The following SLC35F4 variants were observed in gnomAD, a reference collection of about 807,000 sequenced individuals.
SLC35F4 encodes solute carrier family 35 member F4.
SLC35F4 carries 24 observed loss-of-function variants against 44.2 expected under a neutral mutation model. That is an observed-to-expected ratio of 0.54 (90% CI 0.39 to 0.76). SLC35F4 has a LOEUF of 0.76. Ranked by LOEUF, SLC35F4 falls within the 30% of genes least tolerant of loss-of-function variation. The probability of loss-of-function intolerance (pLI) is 0.00; values close to 1 mark genes in which losing one functional copy is unlikely to be tolerated. For missense variants in SLC35F4, 562 were observed against 586.1 expected (o/e 0.96, Z 0.42); for synonymous variants, 238 against 223.6 (o/e 1.06, Z -0.57).
chr14:57,574,365 A>T (rs752672538), intron 4 of SLC35F4, among the ~76,000 whole-genome samples: 1 of 152,208 alleles, frequency 6.6e-6, no homozygotes, highest in African/African-American at 2.4e-5. Context: ...TTAAATTGAC[A>T]TGTCAATTAC....
chr14:57,565,320 T>G (rs2139654309), intron 7 of SLC35F4, among the ~76,000 whole-genome samples: 1 of 152,338 alleles, frequency 6.6e-6, no homozygotes, highest in Non-Finnish European at 1.5e-5. Flanking sequence ...CATATCTCAC[T>G]TCATCCAGCT....
intron 1 of SLC35F4, among the ~76,000 whole-genome samples, chr14:57,600,565 G>T (rs568456448): frequency 6.8e-6 from 1 of 146,072 alleles, no homozygotes; most frequent in South Asian, 2.2e-4. Context: ...AGTGGCGGGC[G>T]CCTGTAGTCC....
chr14:57,677,998 A>T (rs2074757571), intron 1 of SLC35F4, among the ~76,000 whole-genome samples: 1 of 152,088 alleles, frequency 6.6e-6, no homozygotes, highest in Admixed American at 6.6e-5. Context: ...CAGGATCCAT[A>T]TTCAAATTCA....
At chr14:57,968,722 C>A (rs749431631) in intron 1 of SLC35F4, among the ~76,000 whole-genome samples, 3 of 152,068 alleles carry the variant, frequency 2.0e-5, no homozygotes, top group Non-Finnish European at 2.9e-5. Context: ...GGGGGGTGTT[C>A]AATGTACCCT....
In SLC35F4 at chr14:57,877,674, C is replaced by CTTTTTT. The variant is rs139397949; in HGVS notation, n.282+104233_282+104238dup. 3.5e-3 allele frequency among the ~76,000 whole-genome samples: 182 copies of CTTTTTT among 52,422 alleles called. 4 individuals are homozygous for CTTTTTT. Among genetic ancestry groups the CTTTTTT allele is most frequent in the Non-Finnish European group, 5.0e-3 (146 of 28,932 alleles). 34.4% of individuals were successfully genotyped at this position (52,422 alleles called of 152,430 possible). ...CTTGCCAGCATCTGTTATTTTTTGA[C>CTTTTTT]TTTTTTTTTTTTTTTTTTTTTTTTT... is the stretch of plus-strand genomic sequence containing the variant. On this transcript the variant is annotated intron_variant and non_coding_transcript_variant, in intron 1 of 1. Coordinates refer to the SLC35F4 transcript ENST00000556568.
chr14:57,675,973 G>T (rs184548002), intron 1 of SLC35F4, among the ~76,000 whole-genome samples: 2 of 152,016 alleles, frequency 1.3e-5, no homozygotes, highest in South Asian at 2.1e-4. Context: ...AAATAAATGG[G>T]ACCCAATTAA....
intron 1 of SLC35F4, among the ~76,000 whole-genome samples, chr14:57,882,941 C>T (rs2141033756): frequency 6.6e-6 from 1 of 151,778 alleles, no homozygotes; most frequent in South Asian, 2.1e-4. Flanking sequence ...ATGATAAAAG[C>T]AGGAGCTTGT....
At chr14:57,795,009 C>T (rs1170311441) in intron 1 of SLC35F4, among the ~76,000 whole-genome samples, 1 of 152,088 alleles carries the variant, frequency 6.6e-6, no homozygotes, top group Non-Finnish European at 1.5e-5. Context: ...AAATTACACC[C>T]ATCTCTGGAA....
At chr14:57,594,249 G>A (rs1056327223) in intron 1 of SLC35F4, 125 bp from the exon 2 acceptor site, 2 of 937,146 alleles carry the variant, frequency 2.1e-6, no homozygotes, top group African/African-American at 1.7e-5. Context: ...GAGTGCAGTG[G>A]TGTGATCTCG....
intron 3 of SLC35F4, among the ~76,000 whole-genome samples, chr14:57,587,437 G>C (rs528988841): frequency 2.0e-5 from 3 of 152,188 alleles, no homozygotes; most frequent in African/African-American, 4.8e-5. Context: ...GGAATACTAT[G>C]CAGCCATAAA....
intron 1 of SLC35F4, among the ~76,000 whole-genome samples, chr14:57,954,215 T>C: frequency 6.6e-6 from 1 of 152,160 alleles, no homozygotes; most frequent in East Asian, 1.9e-4. Context: ...AATAAATAAG[T>C]TCTTTGAACC....
At chr14:57,827,566 T>C (rs1883921299) in intron 1 of SLC35F4, among the ~76,000 whole-genome samples, 1 of 152,158 alleles carries the variant, frequency 6.6e-6, no homozygotes, top group South Asian at 2.1e-4. Context: ...GGAATTTATT[T>C]TCTATTCTCA....
Position 57,844,068 on chromosome 14 carries a change from G to A in SLC35F4, c.103+21655C>T, listed in dbSNP as rs775891659. The stretch of plus-strand genomic sequence containing the variant: ...TCAATTTTTATTGAAGATAGAAATC[G>A]TAGGAAAAAATTACCTTGAAAGGTA... On this transcript the variant is annotated intron_variant, in intron 1 of 7. Coordinates refer to ENST00000556826, the MANE Select transcript of SLC35F4 (RefSeq NM_001306087.2). 1.4e-4 allele frequency among the ~76,000 whole-genome samples: 22 copies of A among 152,114 alleles called. No homozygotes were observed. In the South Asian group the frequency reaches 1.7e-3, roughly 11 times the overall value.
At chr14:57,824,925 G>A (rs1883566037) in intron 1 of SLC35F4, among the ~76,000 whole-genome samples, 1 of 152,066 alleles carries the variant, frequency 6.6e-6, no homozygotes, top group South Asian at 2.1e-4. Context: ...ATATTAAAAA[G>A]ATCCCTCTAG....
intron 1 of SLC35F4, among the ~76,000 whole-genome samples, chr14:57,905,321 G>C (rs1187096775): frequency 6.6e-6 from 1 of 152,200 alleles, no homozygotes; most frequent in Non-Finnish European, 1.5e-5. Context: ...ATGACACCAA[G>C]GGTGAAGCTG....
Position 57,691,111 on chromosome 14 carries a change from A to G in SLC35F4, c.104-96987T>C, listed in dbSNP as rs115880039. On this transcript the variant is annotated intron_variant, in intron 1 of 7. Transcript: ENST00000556826. The stretch of plus-strand genomic sequence containing the variant: ...ATTAATGTAAATGAGGTCATGGCAC[A>G]GTGTATGGCTTGTAAGAAGTAATCA... Among the ~76,000 whole-genome samples the G allele has an allele frequency of 6.6e-3, 1,001 of 152,272 alleles. 7 individuals carry two copies. Among genetic ancestry groups the G allele is most frequent in the African/African-American group, 0.022 (934 of 41,562 alleles).
chr14:57,956,964 C>A (rs760125565), intron 1 of SLC35F4, among the ~76,000 whole-genome samples: 11 of 152,158 alleles, frequency 7.2e-5, no homozygotes, highest in Non-Finnish European at 1.3e-4. Context: ...GATTATAAAT[C>A]ATTCTACTAT....
chr14:57,738,805 T>A (rs2076532133), intron 1 of SLC35F4, among the ~76,000 whole-genome samples: 1 of 132,178 alleles, frequency 7.6e-6, no homozygotes, highest in Non-Finnish European at 1.7e-5. Flanking sequence ...TATGTATACA[T>A]GTATATATAT....
intron 1 of SLC35F4, among the ~76,000 whole-genome samples, chr14:57,740,020 T>C (rs1340147047): frequency 6.6e-6 from 1 of 152,062 alleles, no homozygotes; most frequent in African/African-American, 2.4e-5. Context: ...CCACCATGAC[T>C]GGATAATTTT....
Sources: gnomAD v4.1 joint callset for allele counts (sites outside exome capture counted in the v4.1 genomes callset) on GRCh38, gnomAD v4.1.1 for gene constraint, MANE v1.5 for transcripts, NCBI Gene and HGNC (gene_info 2026-07-23, HGNC 2026-07-21) for gene names.